The following SLC2A5 variants were observed in gnomAD, a reference collection of about 807,000 sequenced individuals.
The protein encoded by SLC2A5 is solute carrier family 2 member 5.
In SLC2A5, 56 loss-of-function variants were observed where a neutral mutation model predicts 50.3. The ratio of observed to expected loss-of-function variants is 1.11; its 90% CI spans 0.90 to 1.39. SLC2A5 has a LOEUF of 1.39. Among genes scored for constraint, SLC2A5 ranks in the 40% most tolerant of loss-of-function variants. SLC2A5 has a pLI of 0.00. For missense variants in SLC2A5, 566 were observed against 650.1 expected (o/e 0.87, Z 1.41); for synonymous variants, 269 against 281.9 (o/e 0.95, Z 0.46).
intron 10 of SLC2A5, 91 bp downstream of exon 10, chr1:9,038,340 G>T: frequency 2.1e-6 from 2 of 935,218 alleles, no homozygotes; most frequent in Non-Finnish European, 3.5e-6. Flanking sequence ...AGGCTGCATT[G>T]GCCATCCCTG....
chr1:9,081,143 C>G (rs1372260433), intron 2 of SLC2A5, among the ~76,000 whole-genome samples: 1 of 151,756 alleles, frequency 6.6e-6, no homozygotes, highest in Admixed American at 6.6e-5. Context: ...GCCCTTGTTC[C>G]CAGCTACTCA....
At chr1:9,088,652 G>A (rs1246819799), upstream of SLC2A5, among the ~76,000 whole-genome samples, 1 of 152,104 alleles carries the variant, frequency 6.6e-6, no homozygotes, top group African/African-American at 2.4e-5. Flanking sequence ...GCGTGGTGGC[G>A]GGTGCCTGTA....
At chr1:9,056,573 C>T (rs1379698727) in intron 3 of SLC2A5, among the ~76,000 whole-genome samples, 1 of 152,086 alleles carries the variant, frequency 6.6e-6, no homozygotes, top group African/African-American at 2.4e-5. Context: ...TCTGTGACCT[C>T]ACTCAGCCCC....
chr1:9,083,551 G>A (rs1458155873), intron 2 of SLC2A5, among the ~76,000 whole-genome samples: 2 of 152,176 alleles, frequency 1.3e-5, no homozygotes, highest in African/African-American at 4.8e-5. Context: ...TGCGGGGTTC[G>A]GTGGCTCATG....
rs369419892 is a variant in SLC2A5, at chr1:9,037,771, T to C, written c.1321A>G (p.Ser441Gly). The change falls in exon 12 of 12, where the codon AGC (serine) becomes GGC (glycine). Residue 441 changes from serine (S) to glycine (G), a missense_variant. By Grantham distance (56) the Ser-to-Gly change is moderately conservative (BLOSUM62 0). Transcript: ENST00000377424. ...CAGATCACGGCGAAGACAATGAAGC[T>C]GTACGGGCCGAGGCCCTCCTGCGGG... Reference protein sequence around the residue: ...PFIQEGLGPYSFIVFAVICLL... With the variant: ...PFIQEGLGPYGFIVFAVICLL... 17 of 1,614,168 alleles carry C rather than the reference T, an allele frequency of 1.1e-5. No individual in the cohort carries two copies. In the African/African-American group the frequency reaches 1.6e-4, roughly 15 times the overall value.
At chr1:9,055,288 C>T (rs924595823) in intron 3 of SLC2A5, among the ~76,000 whole-genome samples, 12 of 151,998 alleles carry the variant, frequency 7.9e-5, no homozygotes, top group Admixed American at 2.6e-4. Context: ...GAGGCCAAGG[C>T]GGGTGGATCA....
chr1:9,087,071 AC>A (rs967250444), intron 1 of SLC2A5, among the ~76,000 whole-genome samples: 6 of 151,984 alleles, frequency 3.9e-5, no homozygotes, highest in African/African-American at 1.5e-4. Flanking sequence ...CTCTTTCAAA[AC>A]CCTTAAATAT....
rs530497068 is a variant in SLC2A5 at position 9,040,842 on chromosome 1, G to A, written c.572-653C>T. ...ATGAGAACGCGGCGCCTTGGCGTAA[G>A]TGTCCCCAACACATGCAGGAGTGAA... is the stretch of plus-strand genomic sequence containing the variant. On this transcript the variant is annotated intron_variant, in intron 5 of 11. Coordinates refer to ENST00000377424, the MANE Select transcript of SLC2A5 (RefSeq NM_003039.3). This position sits in a 1 kb window ranked among gnomAD's most constrained non-coding sequence, Gnocchi z 4.3. 1.3e-5 allele frequency: 2 copies of A among 153,258 alleles called. No individual in the cohort carries two copies. The highest frequency in any genetic ancestry group is 4.1e-4 in the South Asian group (2 of 4,844). 9.5% of individuals were successfully genotyped at this position (153,258 alleles called of 1,614,324 possible).
chr1:9,051,885 A>T (rs1641586251), intron 3 of SLC2A5, among the ~76,000 whole-genome samples: 1 of 152,212 alleles, frequency 6.6e-6, no homozygotes, highest in South Asian at 2.1e-4. Context: ...GCTGGAAGCA[A>T]CCAAGATGTC....
chr1:9,079,029 C>A (rs541954394), intron 2 of SLC2A5, among the ~76,000 whole-genome samples: 29 of 152,256 alleles, frequency 1.9e-4, no homozygotes, highest in Non-Finnish European at 4.1e-4. Flanking sequence ...AACCCCAGTG[C>A]CCACGCGCGG....
chr1:9,047,869 A>C, intron 3 of SLC2A5, 135 bp from the exon 4 acceptor site: 4 of 872,594 alleles, frequency 4.6e-6, no homozygotes, highest in Non-Finnish European at 7.0e-6. Context: ...GCTCTCTGGG[A>C]CCTGAGACTG....
intron 2 of SLC2A5, among the ~76,000 whole-genome samples, chr1:9,083,108 A>T (rs1265869517): frequency 2.0e-5 from 3 of 152,224 alleles, no homozygotes; most frequent in African/African-American, 7.2e-5. Context: ...TAGCCTGGGT[A>T]ACACCGCAAG....
intron 5 of SLC2A5, 53 bp downstream of exon 5, chr1:9,041,732 G>A: frequency 1.2e-6 from 2 of 1,613,846 alleles, no homozygotes; most frequent in African/African-American, 1.3e-5. Flanking sequence ...CAAGGAGGGG[G>A]CCAAGGGTAG....
At chr1:9,078,502 G>A (rs774637403) in intron 2 of SLC2A5, among the ~76,000 whole-genome samples, 4 of 152,136 alleles carry the variant, frequency 2.6e-5, no homozygotes, top group Non-Finnish European at 4.4e-5. Context: ...AGTGTACAGC[G>A]CTTGGGTGAT....
At chr1:9,070,073 T>G (rs12739286), upstream of SLC2A5, among the ~76,000 whole-genome samples, 5 of 70,536 alleles carry the variant, frequency 7.1e-5, no homozygotes, top group Non-Finnish European at 1.1e-4. Context: ...TCATTTTCTG[T>G]TTTTTTTTTT....
At chr1:9,083,479 C>G (rs1041197084) in intron 2 of SLC2A5, among the ~76,000 whole-genome samples, 1 of 152,190 alleles carries the variant, frequency 6.6e-6, no homozygotes, top group African/African-American at 2.4e-5. Flanking sequence ...ATCAACATAG[C>G]GCTGGATTTG....
intron 3 of SLC2A5, among the ~76,000 whole-genome samples, chr1:9,055,966 T>G (rs954312247): frequency 6.6e-6 from 1 of 152,006 alleles, no homozygotes; most frequent in Non-Finnish European, 1.5e-5. Flanking sequence ...AAACGGCAAA[T>G]AGCCAAATAG....
chr1:9,057,589 T>C lies in SLC2A5; in HGVS notation c.152A>G (p.Asn51Ser), dbSNP rs983653922. Residue 51 changes from asparagine to serine, a missense_variant, in exon 3 of 12, where the codon AAT (asparagine) becomes AGT (serine). Transcript: ENST00000377424. ...SPALLMQQFYNETYYGRTGEF... is the reference protein window; with the variant it reads ...SPALLMQQFYSETYYGRTGEF... Reference sequence around the variant, plus strand: ...ACCGGTCCTACCATAGTAAGTCTCATTGTAAAATTGTTGCATGAGCTAGGA... The same window carrying C: ...ACCGGTCCTACCATAGTAAGTCTCACTGTAAAATTGTTGCATGAGCTAGGA... The C allele has an allele frequency of 6.2e-7, 1 of 1,612,238 alleles. No homozygotes were observed. Among genetic ancestry groups the C allele is most frequent in the Non-Finnish European group, 8.5e-7 (1 of 1,179,504 alleles).
intron 3 of SLC2A5, among the ~76,000 whole-genome samples, chr1:9,053,552 T>TATCTATATATTTATATATTA (rs1641679788): frequency 1.3e-5 from 1 of 78,168 alleles, no homozygotes; most frequent in African/African-American, 3.7e-5. Context: ...ATTATATATT[T>TATCTATATATTTATATATTA]ATATATATTA....
Sources: gnomAD v4.1 joint callset for allele counts (sites outside exome capture counted in the v4.1 genomes callset) on GRCh38, gnomAD v4.1.1 for gene constraint, Gnocchi (gnomAD v3.1) non-coding constraint, MANE v1.5 for transcripts, NCBI Gene and HGNC (gene_info 2026-07-23, HGNC 2026-07-21) for gene names.